HTR1F: variants seen among roughly 807,000 people sequenced by gnomAD.
The protein encoded by HTR1F is 5-hydroxytryptamine (serotonin) receptor 1F, G protein-coupled.
A neutral mutation model predicts 24.0 loss-of-function variants in HTR1F; 17 were observed. The observed-to-expected ratio is 0.71, with a 90% CI of 0.48 to 1.06. The LOEUF is 1.06. HTR1F is among the 50% of genes least tolerant of loss of function. The pLI is 0.00. For missense variants in HTR1F, 391 were observed against 427.8 expected (o/e 0.91, Z 0.76); for synonymous variants, 186 against 156.8 (o/e 1.19, Z -1.39).
chr3:87,840,603 C>A (rs1264470807), intron 2 of HTR1F, among the ~76,000 whole-genome samples: 1 of 152,016 alleles, frequency 6.6e-6, no homozygotes, highest in African/African-American at 2.4e-5. Flanking sequence ...CTGGAGTATA[C>A]CCAAAGTACT....
intron 2 of HTR1F, among the ~76,000 whole-genome samples, chr3:87,961,436 T>G (rs149149207): frequency 1.3e-5 from 2 of 152,162 alleles, no homozygotes; most frequent in Non-Finnish European, 2.9e-5. Flanking sequence ...GAAAGTTTCA[T>G]CAGTATCCTG....
intron 2 of HTR1F, among the ~76,000 whole-genome samples, chr3:87,933,156 C>A (rs9809386): frequency 6.6e-6 from 1 of 151,632 alleles, no homozygotes; most frequent in African/African-American, 2.4e-5. Flanking sequence ...TTCAACAACC[C>A]TTCATGCTAA....
intron 2 of HTR1F, among the ~76,000 whole-genome samples, chr3:87,932,052 G>A (rs1251284013): frequency 1.3e-5 from 2 of 152,126 alleles, no homozygotes; most frequent in African/African-American, 2.4e-5. Context: ...AGTTTAACTA[G>A]ATCCCATTTG....
At chr3:87,933,097 A>G (rs1353316697) in intron 2 of HTR1F, among the ~76,000 whole-genome samples, 160 of 151,558 alleles carry the variant, frequency 1.1e-3, no homozygotes, top group African/African-American at 3.8e-3. Context: ...AACCAAAGAC[A>G]AAAACCACAT....
chr3:87,856,941 C>T (rs930197022), intron 2 of HTR1F, among the ~76,000 whole-genome samples: 26 of 152,080 alleles, frequency 1.7e-4, no homozygotes, highest in African/African-American at 4.8e-4. Context: ...GCAAAAATGA[C>T]GTGTACCAGC....
chr3:87,893,556 T>C (rs981206668), intron 2 of HTR1F, among the ~76,000 whole-genome samples: 26 of 152,218 alleles, frequency 1.7e-4, no homozygotes, highest in African/African-American at 6.0e-4. Context: ...GTAGGCACAA[T>C]GTCAACAGTA....
intron 2 of HTR1F, among the ~76,000 whole-genome samples, chr3:87,945,880 A>G (rs1219520646): frequency 6.6e-6 from 1 of 152,020 alleles, no homozygotes; most frequent in Admixed American, 6.5e-5. Flanking sequence ...TTGCTCCCAG[A>G]GCTCCCAAGA....
intron 2 of HTR1F, among the ~76,000 whole-genome samples, chr3:87,858,630 T>C (rs958555472): frequency 6.6e-6 from 1 of 152,178 alleles, no homozygotes; most frequent in African/African-American, 2.4e-5. Context: ...CTTGTAAAAT[T>C]AATTTTATCT....
chr3:87,850,783 G>T (rs1024242677), intron 2 of HTR1F, among the ~76,000 whole-genome samples: 1 of 150,880 alleles, frequency 6.6e-6, no homozygotes, highest in African/African-American at 2.4e-5. Context: ...TATAAAGTTT[G>T]TATGCAGATT....
intron 1 of HTR1F, among the ~76,000 whole-genome samples, chr3:87,801,501 T>C (rs1318874646): frequency 6.6e-6 from 1 of 152,178 alleles, no homozygotes; most frequent in Non-Finnish European, 1.5e-5. Flanking sequence ...TTATACATTT[T>C]AGGGAGACAT....
intron 2 of HTR1F, among the ~76,000 whole-genome samples, chr3:87,849,968 G>C (rs1196349136): frequency 6.6e-6 from 1 of 151,934 alleles, no homozygotes; most frequent in Admixed American, 6.5e-5. Flanking sequence ...ACAGGTGCTG[G>C]AGAGGATGTG....
intron 2 of HTR1F, among the ~76,000 whole-genome samples, chr3:87,860,482 T>C (rs781281111): frequency 6.6e-6 from 1 of 152,184 alleles, no homozygotes; most frequent in Non-Finnish European, 1.5e-5. Flanking sequence ...CAGACATGCT[T>C]CCTTTGTCAT....
intron 2 of HTR1F, among the ~76,000 whole-genome samples, chr3:87,951,610 A>C (rs1704834968): frequency 6.6e-6 from 1 of 152,034 alleles, no homozygotes; most frequent in South Asian, 2.1e-4. Context: ...AACATCCCCC[A>C]CAAGAGTAGG....
Position 87,952,102 on chromosome 3 carries a change from A to G in HTR1F, c.-42-38606A>G, listed in dbSNP as rs544623252. On this transcript the variant is annotated intron_variant, in intron 2 of 2. Transcript: ENST00000319595. The stretch of plus-strand genomic sequence containing the variant: ...AATCTTGGTTGAGATTTTTTTTCAA[A>G]GTGGCATTAACTCATATCCTCTCAA... Among the ~76,000 whole-genome samples, 15 of 152,016 alleles carry G rather than the reference A, an allele frequency of 9.9e-5. No homozygotes were observed. The East Asian group carries it at 1.9e-3, about 20-fold the overall frequency.
chr3:87,963,294 A>T (rs972120292), intron 2 of HTR1F, among the ~76,000 whole-genome samples: 4 of 152,262 alleles, frequency 2.6e-5, no homozygotes, highest in African/African-American at 7.2e-5. Context: ...CAATAATCAG[A>T]AACAGTTATA....
chr3:87,890,632 C>T (rs1269271819), intron 2 of HTR1F, among the ~76,000 whole-genome samples: 2 of 148,206 alleles, frequency 1.3e-5, no homozygotes, highest in African/African-American at 5.0e-5. Flanking sequence ...ACTTGTAAAA[C>T]CACCTTAACT....
chr3:87,879,861 G>A (rs2062811), intron 2 of HTR1F, among the ~76,000 whole-genome samples: 56,367 of 151,826 alleles, frequency 0.37, 15,302 homozygotes, highest in African/African-American at 0.77. Context: ...TTGTAATGAT[G>A]GCATATTTTT....
At chr3:87,836,895 T>TGTG (rs1559599830) in intron 2 of HTR1F, among the ~76,000 whole-genome samples, 1 of 151,570 alleles carries the variant, frequency 6.6e-6, no homozygotes, top group South Asian at 2.1e-4. Flanking sequence ...ATAAATTAAT[T>TGTG]ATAACTTTTA....
intron 1 of HTR1F, among the ~76,000 whole-genome samples, chr3:87,796,472 G>T (rs1703907544): frequency 6.6e-6 from 1 of 152,222 alleles, no homozygotes; most frequent in South Asian, 2.1e-4. Flanking sequence ...GCATTTAGAA[G>T]AACGGGATTT....
Sources: gnomAD v4.1 joint callset for allele counts (sites outside exome capture counted in the v4.1 genomes callset) on GRCh38, gnomAD v4.1.1 for gene constraint, MANE v1.5 for transcripts, NCBI Gene and HGNC (gene_info 2026-07-23, HGNC 2026-07-21) for gene names.